RCHY1: variants seen among roughly 807,000 people sequenced by gnomAD.
The protein encoded by RCHY1 is RING finger and CHY zinc finger domain-containing protein 1.
RCHY1 carries 21 observed loss-of-function variants against 41.6 expected under a neutral mutation model. The ratio of observed to expected loss-of-function variants is 0.51; its 90% CI spans 0.36 to 0.73. The LOEUF (loss-of-function observed/expected upper bound fraction) is 0.73. RCHY1 is among the 30% of genes least tolerant of loss of function. The pLI is 0.00. For synonymous variants in RCHY1, 79 were observed against 102.9 expected (o/e 0.77, Z 1.41); for missense variants, 265 against 325.3 (o/e 0.81, Z 1.43).
intron 3 of RCHY1, among the ~76,000 whole-genome samples, chr4:75,506,866 A>G (rs1365925493): frequency 6.6e-6 from 1 of 152,134 alleles, no homozygotes; most frequent in African/African-American, 2.4e-5. Context: ...CTAACAACCA[A>G]TGACTTAAAA....
At position 75,509,248 on chromosome 4, in the gene RCHY1, T is replaced by C. The variant is rs537927955; in HGVS notation, c.139A>G (p.Asn47Asp). 30 of 1,613,498 alleles carry C rather than the reference T, an allele frequency of 1.9e-5. No individual in the cohort carries two copies. In the South Asian group the frequency reaches 3.3e-4, roughly 18 times the overall value. ...AAGCGATCTAGTTGATGATCTTCATTGTTATCATGACACAAGCGGCAAGTA... is the reference window on the plus strand; with the variant it reads ...AAGCGATCTAGTTGATGATCTTCATCGTTATCATGACACAAGCGGCAAGTA... ...LYTCRLCHDN[N>D]EDHQLDRFKV... Residue 47 changes from asparagine to aspartate, a missense_variant, in exon 2 of 9, where the codon AAT becomes GAT. By Grantham distance (23) the Asn-to-Asp change is conservative. Coordinates refer to ENST00000324439, the MANE Select transcript of RCHY1 (RefSeq NM_015436.4).
At chr4:75,490,293 TACTG>T (rs1342542998) in intron 8 of RCHY1, among the ~76,000 whole-genome samples, 1 of 152,084 alleles carries the variant, frequency 6.6e-6, no homozygotes, top group Non-Finnish European at 1.5e-5. Flanking sequence ...TCAGTTATAT[TACTG>T]ACTGACTCTG....
At chr4:75,504,104 G>A (rs1724069418) in intron 3 of RCHY1, among the ~76,000 whole-genome samples, 1 of 152,182 alleles carries the variant, frequency 6.6e-6, no homozygotes. Flanking sequence ...TGGTGTATTT[G>A]AGATCTGGAA....
At chr4:75,482,797 T>A in intron 8 of RCHY1, 131 bp from the exon 9 acceptor site, 1 of 560,744 alleles carries the variant, frequency 1.8e-6, no homozygotes, top group Non-Finnish European at 2.7e-6. Context: ...TTTCCAAAAG[T>A]AGAAATTTCT....
chr4:75,487,992 A>G (rs1298638032), intron 8 of RCHY1, among the ~76,000 whole-genome samples: 1 of 147,240 alleles, frequency 6.8e-6, no homozygotes, highest in Non-Finnish European at 1.5e-5. Context: ...TTCAACTTCA[A>G]AATTAAGTCT....
chr4:75,492,661 T>A (rs937346648), intron 4 of RCHY1, among the ~76,000 whole-genome samples: 1 of 151,776 alleles, frequency 6.6e-6, no homozygotes, highest in Non-Finnish European at 1.5e-5. Context: ...CAGGACCACT[T>A]AGTAATATAG....
intron 2 of RCHY1, 87 bp downstream of exon 2, chr4:75,509,090 T>A: frequency 7.4e-7 from 1 of 1,355,002 alleles, no homozygotes; most frequent in Non-Finnish European, 1.0e-6. Flanking sequence ...GTTAAAGAAA[T>A]CTTATTTATG....
intron 8 of RCHY1, among the ~76,000 whole-genome samples, chr4:75,488,102 C>G (rs1307005401): frequency 6.6e-6 from 1 of 151,156 alleles, no homozygotes; most frequent in Non-Finnish European, 1.5e-5. Flanking sequence ...ATAGGAAGCA[C>G]TGTCAAATAA....
Position 75,508,812 on chromosome 4 carries a change from T to A in RCHY1, c.326+8A>T, listed in dbSNP as rs1255721725. Reference sequence around the variant, plus strand: ...AGCAATTAGATAAGAACACTTTACATACAGTACCTACAAATTCCACAGTTT... The same window carrying A: ...AGCAATTAGATAAGAACACTTTACAAACAGTACCTACAAATTCCACAGTTT... On this transcript the variant is annotated splice_region_variant and intron_variant, in intron 3 of 8. Transcript: ENST00000324439. The A allele has an allele frequency of 1.3e-6, 2 of 1,515,388 alleles. No homozygotes were observed. The allele number at this position is 1,515,388 out of a possible 1,614,324, so 93.9% of individuals were successfully genotyped here. A position where few individuals can be genotyped will look rare whatever the true frequency, so the allele number is the denominator to read the frequency against.
At chr4:75,488,855 T>A (rs1722483931) in intron 8 of RCHY1, among the ~76,000 whole-genome samples, 1 of 152,002 alleles carries the variant, frequency 6.6e-6, no homozygotes, top group Non-Finnish European at 1.5e-5. Context: ...GGCGGGTGGA[T>A]CACGAGGTCA....
intron 3 of RCHY1, among the ~76,000 whole-genome samples, chr4:75,500,323 T>C (rs1383371372): frequency 1.3e-5 from 2 of 152,192 alleles, no homozygotes; most frequent in Non-Finnish European, 2.9e-5. Flanking sequence ...TAAGCTCTGG[T>C]GCTTATTTAA....
At chr4:75,507,598 C>T (rs1724450645) in intron 3 of RCHY1, among the ~76,000 whole-genome samples, 1 of 151,856 alleles carries the variant, frequency 6.6e-6, no homozygotes, top group Non-Finnish European at 1.5e-5. Context: ...TGCTGTTTTA[C>T]AAGACACATG....
chr4:75,494,589 A>T (rs892944778), intron 3 of RCHY1, among the ~76,000 whole-genome samples: 1 of 151,758 alleles, frequency 6.6e-6, no homozygotes, highest in African/African-American at 2.4e-5. Flanking sequence ...ATGTATACTA[A>T]TTTTTTTAAA....
In RCHY1 at chr4:75,479,080, G is replaced by A. The variant is rs1254334928; in HGVS notation, c.*3458C>T. On this transcript the variant is annotated 3_prime_UTR_variant, in exon 9 of 9. Transcript: ENST00000324439. The stretch of plus-strand genomic sequence containing the variant: ...CTTTACTGATCTATTACACAGAATG[G>A]TGAGTATAATAAATAATGCATTGTA... 2 of 152,012 alleles carry A rather than the reference G, an allele frequency of 1.3e-5. No homozygotes were observed. Among genetic ancestry groups the A allele is most frequent in the Admixed American group, 1.3e-4 (2 of 15,256 alleles). The allele number at this position is 152,012 out of a possible 1,614,324, so 9.4% of individuals were successfully genotyped here. A position where few individuals can be genotyped will look rare whatever the true frequency, so the allele number is the denominator to read the frequency against.
In RCHY1 at chr4:75,487,554, A is replaced by AATATAT. The variant is rs368171667; in HGVS notation, c.657+3021_657+3026dup. On this transcript the variant is annotated intron_variant, in intron 8 of 8. Transcript: ENST00000324439. ...ATATATTCATAATATATATATTCAT[A>AATATAT]ATATATTCATAATATATATATTCAT... 2.3e-3 allele frequency among the ~76,000 whole-genome samples: 110 copies of AATATAT among 48,222 alleles called. 8 individuals carry two copies. The highest frequency in any genetic ancestry group is 3.4e-3 in the South Asian group (5 of 1,484). The allele number at this position is 48,222 out of a possible 152,430, so 31.6% of individuals were successfully genotyped here.
At chr4:75,508,234 T>C (rs1209071034) in intron 3 of RCHY1, among the ~76,000 whole-genome samples, 1 of 152,110 alleles carries the variant, frequency 6.6e-6, no homozygotes, top group East Asian at 1.9e-4. Context: ...TTTCCTAAAC[T>C]CGGTGGCTTA....
rs963444906 is a variant in RCHY1 at position 75,480,939 on chromosome 4, T to A, written c.*1599A>T. ...CCAGGAAGTCAAGGCTGCAGTGAGC[T>A]ACGATCACTTCACTACACTCTAGCC... is the stretch of plus-strand genomic sequence containing the variant. On this transcript the variant is annotated 3_prime_UTR_variant, in exon 9 of 9. Transcript: ENST00000324439. The A allele has an allele frequency of 6.6e-6, 1 of 152,252 alleles. No individual in the cohort carries two copies. Among genetic ancestry groups the A allele is most frequent in the African/African-American group, 2.4e-5 (1 of 41,442 alleles). 9.4% of individuals were successfully genotyped at this position (152,252 alleles called of 1,614,324 possible). A position where few individuals can be genotyped will look rare whatever the true frequency, so the allele number is the denominator to read the frequency against.
At chr4:75,504,994 C>T (rs2148764063) in intron 3 of RCHY1, among the ~76,000 whole-genome samples, 1 of 152,322 alleles carries the variant, frequency 6.6e-6, no homozygotes, top group East Asian at 1.9e-4. Context: ...TGTGCACCTA[C>T]TGTATATACG....
chr4:75,487,839 A>ATATATATTCATAATATATATATTCAT (rs1722364208), intron 8 of RCHY1, among the ~76,000 whole-genome samples: 4 of 71,872 alleles, frequency 5.6e-5, no homozygotes, highest in African/African-American at 1.8e-4. Context: ...ATATATTCAT[A>ATATATATTCATAATATATATATTCAT]ATATATATTC....
Sources: allele counts gnomAD v4.1 joint callset (sites outside exome capture counted in the v4.1 genomes callset), GRCh38; gene constraint gnomAD v4.1.1; transcripts MANE v1.5; gene names NCBI Gene and HGNC (gene_info 2026-07-23, HGNC 2026-07-21).